UTRN: variants seen among roughly 807,000 people sequenced by gnomAD.
UTRN encodes utrophin, also known as dystrophin-related protein 1.
In UTRN, 283 loss-of-function variants were observed where a neutral mutation model predicts 463.9. The ratio of observed to expected loss-of-function variants is 0.61; its 90% CI spans 0.55 to 0.67. The LOEUF is 0.67. UTRN is among the 30% of genes least tolerant of loss of function. The pLI is 0.00. For synonymous variants in UTRN, 1,442 were observed against 1,431.5 expected (o/e 1.01, Z -0.17); for missense variants, 3,922 against 4,084.3 (o/e 0.96, Z 1.08).
chr6:144,678,615 T>G (rs547051890), intron 52 of UTRN, 37 bp downstream of exon 52: 1 of 1,540,662 alleles, frequency 6.5e-7, no homozygotes, highest in Non-Finnish European at 8.8e-7. Context: ...AATAATGGGG[T>G]GGAAGGGGTA....
intron 51 of UTRN, among the ~76,000 whole-genome samples, chr6:144,671,452 G>A (rs1427821988): frequency 6.6e-6 from 1 of 151,952 alleles, no homozygotes; most frequent in African/African-American, 2.4e-5. Flanking sequence ...CACTGTTGGT[G>A]TATAGCTGTG....
At chr6:144,645,408 C>T (rs1222167321) in intron 51 of UTRN, among the ~76,000 whole-genome samples, 1 of 152,146 alleles carries the variant, frequency 6.6e-6, no homozygotes, top group Non-Finnish European at 1.5e-5. Flanking sequence ...AATTCACTGG[C>T]TTCAAAGATA....
chr6:144,491,998 T>TA (rs1382158133), intron 32 of UTRN, among the ~76,000 whole-genome samples: 2 of 152,144 alleles, frequency 1.3e-5, no homozygotes, highest in Non-Finnish European at 2.9e-5. Flanking sequence ...TTTCTTTTTT[T>TA]ATATTTAAAT....
At chr6:144,343,232 C>A (rs1777280732) in intron 2 of UTRN, among the ~76,000 whole-genome samples, 1 of 152,002 alleles carries the variant, frequency 6.6e-6, no homozygotes, top group South Asian at 2.1e-4. Context: ...GAGAGAAGGA[C>A]TAGAAAGTAG....
chr6:144,528,468 C>T (rs1439062644), intron 41 of UTRN, among the ~76,000 whole-genome samples: 1 of 152,208 alleles, frequency 6.6e-6, no homozygotes, highest in East Asian at 1.9e-4. Context: ...TGTCCTGATT[C>T]TTTTGTCCCA....
At chr6:144,622,181 G>GTTGTTTT (rs1775462957) in intron 51 of UTRN, among the ~76,000 whole-genome samples, 1 of 73,724 alleles carries the variant, frequency 1.4e-5, no homozygotes, top group African/African-American at 4.9e-5. Flanking sequence ...ATTTTTTTTT[G>GTTGTTTT]TTGTTTTTTT....
intron 18 of UTRN, among the ~76,000 whole-genome samples, chr6:144,452,684 G>A (rs916355157): frequency 3.3e-5 from 5 of 151,822 alleles, no homozygotes; most frequent in African/African-American, 9.7e-5. Context: ...CATGGCTCAC[G>A]CTTATAATTC....
At chr6:144,705,786 A>G (rs1403002254) in intron 53 of UTRN, among the ~76,000 whole-genome samples, 1 of 152,190 alleles carries the variant, frequency 6.6e-6, no homozygotes, top group Non-Finnish European at 1.5e-5. Flanking sequence ...GAAGGGCAGT[A>G]TATAATTTTA....
chr6:144,779,729 G>T (rs914865732), intron 60 of UTRN, among the ~76,000 whole-genome samples: 4 of 152,166 alleles, frequency 2.6e-5, no homozygotes, highest in African/African-American at 9.7e-5. Context: ...TCAAACTGGC[G>T]CTGTTCAAGC....
chr6:144,757,236 TAAAAAA>T (rs375711274), intron 57 of UTRN, among the ~76,000 whole-genome samples: 2 of 115,544 alleles, frequency 1.7e-5, no homozygotes, highest in Admixed American at 8.9e-5. Context: ...ACTAGAATTG[TAAAAAA>T]AAAAAAAAAA....
intron 51 of UTRN, among the ~76,000 whole-genome samples, chr6:144,581,966 C>A (rs1435983974): frequency 6.6e-6 from 1 of 152,150 alleles, no homozygotes; most frequent in African/African-American, 2.4e-5. Flanking sequence ...TGGCTTTACA[C>A]AGATATGGTG....
intron 2 of UTRN, among the ~76,000 whole-genome samples, chr6:144,349,583 T>A (rs535164567): frequency 1.6e-4 from 25 of 152,358 alleles, no homozygotes; most frequent in African/African-American, 5.5e-4. Flanking sequence ...CTGTTGATAA[T>A]GGGCTCTTTT....
intron 51 of UTRN, among the ~76,000 whole-genome samples, chr6:144,596,030 T>C (rs1328596077): frequency 1.3e-5 from 2 of 152,230 alleles, no homozygotes; most frequent in Non-Finnish European, 2.9e-5. Context: ...GGAAGCCTAA[T>C]GACCTATTAT....
chr6:144,424,227 C>A, intron 6 of UTRN, 149 bp downstream of exon 6: 4 of 807,972 alleles, frequency 5.0e-6, no homozygotes, highest in Non-Finnish European at 7.8e-6. Context: ...GCCAGAAGTC[C>A]AAGATCAAGG....
chr6:144,485,576 A>G lies in UTRN; in HGVS notation c.3822+57A>G, dbSNP rs1018193000. 3 of 1,605,112 alleles carry G rather than the reference A, an allele frequency of 1.9e-6. No homozygotes were observed. In the African/African-American group the frequency reaches 4.0e-5, roughly 22 times the overall value. On this transcript the variant is annotated intron_variant, in intron 28 of 74. Transcript: ENST00000367545. ...TTTGCTGTGATGAGGCCACACGTGT[A>G]TTACAATGAGGAATGTAATGCTTTA...
At chr6:144,606,348 A>T (rs1238094045) in intron 51 of UTRN, among the ~76,000 whole-genome samples, 1 of 152,354 alleles carries the variant, frequency 6.6e-6, no homozygotes. Flanking sequence ...TCTATGACCT[A>T]TAATAATTAG....
chr6:144,449,916 A>G (rs1436130778), intron 17 of UTRN, among the ~76,000 whole-genome samples: 2 of 152,174 alleles, frequency 1.3e-5, no homozygotes, highest in African/African-American at 4.8e-5. Context: ...AAAGGGGATA[A>G]TAATAGTGTA....
chr6:144,777,335 A>G (rs1032303294), intron 60 of UTRN, among the ~76,000 whole-genome samples: 2 of 152,252 alleles, frequency 1.3e-5, no homozygotes, highest in African/African-American at 2.4e-5. Context: ...TAGAACTATA[A>G]AATTAAATGA....
chr6:144,468,273 TC>T (rs2128565132), intron 23 of UTRN, among the ~76,000 whole-genome samples: 1 of 152,262 alleles, frequency 6.6e-6, no homozygotes, highest in East Asian at 1.9e-4. Flanking sequence ...ACCTTGCTGT[TC>T]CTTGTCCGTG....
Sources: allele counts gnomAD v4.1 joint callset (sites outside exome capture counted in the v4.1 genomes callset), GRCh38; gene constraint gnomAD v4.1.1; transcripts MANE v1.5; gene names NCBI Gene and HGNC (gene_info 2026-07-23, HGNC 2026-07-21).